Variants in XRCC6 observed in about 807,000 individuals in gnomAD.
XRCC6 encodes X-ray repair cross complementing 6, also known as DNA repair protein Ku70.
In XRCC6, 5 loss-of-function variants were observed where a neutral mutation model predicts 65.7. That is an observed-to-expected ratio of 0.08 (90% CI 0.04 to 0.16). The LOEUF (loss-of-function observed/expected upper bound fraction) is 0.16, where lower values mean the gene tolerates loss of function less well. Among genes scored for constraint, XRCC6 ranks in the 10% least tolerant of loss-of-function variants. The pLI is 1.00. For missense variants in XRCC6, 447 were observed against 738.1 expected, an observed-to-expected ratio of 0.61 and a Z score of 4.57; for synonymous variants, 270 against 270.6, an observed-to-expected ratio of 1.00 and a Z score of 0.02.
At position 41,636,131 on chromosome 22, in the gene XRCC6, A is replaced by C. The variant is rs5758399; in HGVS notation, c.214A>C (p.Ile72Leu). The stretch of plus-strand genomic sequence containing the variant: ...TTTTCAGTGTATCCAAAGTGTGTAC[A>C]TCAGTAAGATCATAAGCAGTGATCG... The part of the protein sequence containing the change: ...MSIQCIQSVY[I>L]SKIISSDRDL... The change falls in exon 4 of 13, where the codon ATC becomes CTC. Residue 72 changes from isoleucine to leucine, a missense_variant. Ile to Leu is a conservative substitution (Grantham distance 5). Coordinates refer to ENST00000360079, the MANE Select transcript of XRCC6 (RefSeq NM_001469.5). 1.9e-5 allele frequency: 31 copies of C among 1,590,026 alleles called. No individual in the cohort carries two copies. Among genetic ancestry groups the C allele is most frequent in the Non-Finnish European group, 2.5e-5 (29 of 1,174,682 alleles).
Position 41,642,436 on chromosome 22 carries a change from G to A in XRCC6, c.774-4460G>A, listed in dbSNP as rs117639776. ...CTTTGTCGATCATTTCCTTTGTTGT[G>A]CAGAAGCTTTTTAACTTGATGTGAT... On this transcript the variant is annotated intron_variant, in intron 6 of 12. Transcript: ENST00000360079. Among the ~76,000 whole-genome samples, 14 of 152,126 alleles carry A rather than the reference G, an allele frequency of 9.2e-5. No homozygotes were observed. In the East Asian group the frequency reaches 2.7e-3, roughly 29 times the overall value.
chr22:41,650,544 G>A (rs2067984631), intron 7 of XRCC6, among the ~76,000 whole-genome samples, 179 bp from the exon 8 acceptor site: 1 of 152,202 alleles, frequency 6.6e-6, no homozygotes, highest in African/African-American at 2.4e-5. Flanking sequence ...TTGGTGTAAA[G>A]TACCTGCAGT....
chr22:41,648,647 T>C (rs2147102003), intron 7 of XRCC6, among the ~76,000 whole-genome samples: 1 of 152,312 alleles, frequency 6.6e-6, no homozygotes, highest in East Asian at 1.9e-4. Context: ...TCATGCTTCC[T>C]GTATGCAAAA....
chr22:41,637,962 T>TAAAA lies in XRCC6; in HGVS notation c.773+187_773+190dup, dbSNP rs132775. Among the ~76,000 whole-genome samples, 156 of 131,120 alleles carry TAAAA rather than the reference T, an allele frequency of 1.2e-3. 2 individuals are homozygous for TAAAA. The highest frequency in any genetic ancestry group is 4.3e-3 in the African/African-American group (149 of 34,818). 86.0% of individuals were successfully genotyped at this position (131,120 alleles called of 152,430 possible). On this transcript the variant is annotated intron_variant, in intron 6 of 12. Transcript: ENST00000360079. ...AACATGGCAAGACCCTCTCTCTACC[T>TAAAA]AAAAAAAAAAAAAAAAAAATCAGAA...
chr22:41,626,796 C>G (rs954164607), intron 2 of XRCC6, among the ~76,000 whole-genome samples: 5 of 152,074 alleles, frequency 3.3e-5, no homozygotes, highest in African/African-American at 1.2e-4. Flanking sequence ...CACCACCACG[C>G]CCAGCTAATT....
intron 7 of XRCC6, among the ~76,000 whole-genome samples, chr22:41,647,595 A>G (rs2147100432): frequency 6.6e-6 from 1 of 151,796 alleles, no homozygotes; most frequent in African/African-American, 2.4e-5. Context: ...AAAAAAAAAA[A>G]AAGAGACGGT....
At chr22:41,631,025 C>T (rs1358336489) in intron 3 of XRCC6, among the ~76,000 whole-genome samples, 1 of 152,092 alleles carries the variant, frequency 6.6e-6, no homozygotes, top group Non-Finnish European at 1.5e-5. Flanking sequence ...CTCCTCACTT[C>T]CCAGTAGGGG....
intron 11 of XRCC6, among the ~76,000 whole-genome samples, 162 bp downstream of exon 11, chr22:41,658,514 AG>A (rs2147115993): frequency 6.6e-6 from 1 of 152,346 alleles, no homozygotes; most frequent in Admixed American, 6.5e-5. Context: ...TTAAACAGCC[AG>A]GGAACAGATT....
chr22:41,624,156 G>A (rs535962612), intron 2 of XRCC6, among the ~76,000 whole-genome samples: 7 of 151,782 alleles, frequency 4.6e-5, no homozygotes, highest in African/African-American at 1.4e-4. Context: ...AGGCTGAGGC[G>A]GGCAGATCAC....
At chr22:41,627,890 G>C (rs1227801272) in intron 2 of XRCC6, among the ~76,000 whole-genome samples, 3 of 151,956 alleles carry the variant, frequency 2.0e-5, no homozygotes, top group African/African-American at 7.3e-5. Flanking sequence ...AAAAAGTCAG[G>C]ATATTGACTT....
chr22:41,657,285 C>G (rs994150692), intron 10 of XRCC6, among the ~76,000 whole-genome samples: 1 of 152,120 alleles, frequency 6.6e-6, no homozygotes, highest in Non-Finnish European at 1.5e-5. Flanking sequence ...GAAAAAATAG[C>G]AGGATTCTTA....
intron 6 of XRCC6, among the ~76,000 whole-genome samples, chr22:41,643,004 G>A (rs142479791): frequency 2.0e-5 from 3 of 152,320 alleles, no homozygotes; most frequent in African/African-American, 7.2e-5. Context: ...GTGTGAACCT[G>A]TATATCTTCG....
intron 7 of XRCC6, chr22:41,648,094 G>A (rs549864556): frequency 4.2e-5 from 5 of 118,164 alleles, no homozygotes; most frequent in South Asian, 2.9e-4. Context: ...TTTTCTTTCC[G>A]CTAGTCAAGT....
At chr22:41,646,394 A>T (rs569184727) in intron 6 of XRCC6, among the ~76,000 whole-genome samples, 161 of 152,250 alleles carry the variant, frequency 1.1e-3, no homozygotes, top group African/African-American at 3.5e-3. Flanking sequence ...GGTGATTGAT[A>T]TAGTGCTGTG....
intron 2 of XRCC6, among the ~76,000 whole-genome samples, chr22:41,625,831 ATAAT>A (rs1263636402): frequency 6.6e-6 from 1 of 152,160 alleles, no homozygotes; most frequent in Non-Finnish European, 1.5e-5. Context: ...TGTTTCTAAA[ATAAT>A]TAATTCAATA....
At chr22:41,646,594 C>G (rs1434996672) in intron 6 of XRCC6, among the ~76,000 whole-genome samples, 1 of 152,078 alleles carries the variant, frequency 6.6e-6, no homozygotes, top group African/African-American at 2.4e-5. Context: ...CTATAAAATG[C>G]AAATATTCCA....
chr22:41,659,584 C>T (rs905081118), intron 11 of XRCC6, among the ~76,000 whole-genome samples: 1 of 152,120 alleles, frequency 6.6e-6, no homozygotes, highest in African/African-American at 2.4e-5. Context: ...AAGTGATCCA[C>T]CTGTCTCGGC....
Position 41,636,340 on chromosome 22 carries a change from AC to A in XRCC6, c.334+90del, listed in dbSNP as rs1359891042. The stretch of plus-strand genomic sequence containing the variant: ...AGGACTGTGGAGAAGGAAGCAAGTT[AC>A]ATCTTGTCTAGGAGTATGCTTTCCT... On this transcript the variant is annotated intron_variant, in intron 4 of 12. Transcript: ENST00000360079. 4.0e-6 allele frequency: 6 copies of A among 1,507,526 alleles called. No individual in the cohort carries two copies. In the African/African-American group the frequency reaches 8.4e-5, roughly 21 times the overall value. 93.4% of individuals were successfully genotyped at this position (1,507,526 alleles called of 1,614,324 possible).
At chr22:41,638,602 G>C (rs2067837219) in intron 6 of XRCC6, among the ~76,000 whole-genome samples, 1 of 151,950 alleles carries the variant, frequency 6.6e-6, no homozygotes, top group Non-Finnish European at 1.5e-5. Context: ...TGGCCTACAT[G>C]GTGAAACCTT....
Sources: gnomAD v4.1 joint callset for allele counts (sites outside exome capture counted in the v4.1 genomes callset) on GRCh38, gnomAD v4.1.1 for gene constraint, MANE v1.5 for transcripts, NCBI Gene and HGNC (gene_info 2026-07-23, HGNC 2026-07-21) for gene names.